Variants in LRP1B observed in about 807,000 individuals in gnomAD.
The protein encoded by LRP1B is low-density lipoprotein receptor-related protein 1B.
Under a neutral mutation model 556.6 loss-of-function variants are expected in LRP1B, and 217 were observed. The ratio of observed to expected loss-of-function variants is 0.39; its 90% CI spans 0.35 to 0.44. LRP1B has a LOEUF of 0.44. LRP1B is among the 20% of genes least tolerant of loss of function. The pLI is 1.00. For synonymous variants in LRP1B, 2,047 were observed against 1,865.8 expected (o/e 1.10, Z -2.50); for missense variants, 5,053 against 5,620.8 (o/e 0.90, Z 3.23).
chr2:140,320,845 TCAGGCTGGCCAA>T (rs1414670210), intron 82 of LRP1B, among the ~76,000 whole-genome samples: 1 of 151,918 alleles, frequency 6.6e-6, no homozygotes, highest in Non-Finnish European at 1.5e-5. Flanking sequence ...GAGTTCGAGA[TCAGGCTGGCCAA>T]CATGGCAATA....
In LRP1B at chr2:140,270,143, C is replaced by CATTTAAATGAATTTAAATGAATTAAATGA. The variant is rs1378443754; in HGVS notation, c.13247+98_13247+99insTCATTTAATTCATTTAAATTCATTTAAAT. On this transcript the variant is annotated intron_variant, in intron 86 of 90. Coordinates refer to ENST00000389484, the MANE Select transcript of LRP1B (RefSeq NM_018557.3). ...TGATCAGAGATGTCCATGAAACACT[C>CATTTAAATGAATTTAAATGAATTAAATGA]ATTTAAAATTACCCCAGAAAAGGAG... is the stretch of plus-strand genomic sequence containing the variant. The CATTTAAATGAATTTAAATGAATTAAATGA allele has an allele frequency of 2.5e-4, 202 of 806,258 alleles. 1 individual carries two copies. Among genetic ancestry groups the CATTTAAATGAATTTAAATGAATTAAATGA allele is most frequent in the Non-Finnish European group, 3.8e-4 (177 of 469,376 alleles). 49.9% of individuals were successfully genotyped at this position (806,258 alleles called of 1,614,324 possible).
In LRP1B at chr2:141,005,351, A is replaced by G. The variant is rs756754593; in HGVS notation, c.2487T>C (p.Asn829=). The change falls in exon 15 of 91, where the codon AAT becomes AAC. Residue 829 remains asparagine (N), a synonymous_variant. Transcript: ENST00000389484. ...AGAACTTACATGTGCAAGTTGTCCC[A>G]TTTTCATCCAAAAGTTGATTATCGG... ...ACADNQLLDE[N]GTTCTFNPGE... 2.5e-6 allele frequency: 4 copies of G among 1,610,078 alleles called. No individual in the cohort carries two copies. The highest frequency in any genetic ancestry group is 1.1e-5 in the South Asian group (1 of 90,864).
At chr2:140,344,613 G>A (rs1054461823) in intron 77 of LRP1B, among the ~76,000 whole-genome samples, 3 of 151,800 alleles carry the variant, frequency 2.0e-5, no homozygotes, top group Non-Finnish European at 2.9e-5. Flanking sequence ...TAGAGTTGTC[G>A]TTAAATGAGA....
chr2:140,702,204 G>A lies in LRP1B; in HGVS notation c.6239C>T (p.Ser2080Leu), dbSNP rs2105428501. 3 of 1,613,724 alleles carry A rather than the reference G, an allele frequency of 1.9e-6. No individual in the cohort carries two copies. Among genetic ancestry groups the A allele is most frequent in the Non-Finnish European group, 2.5e-6 (3 of 1,179,782 alleles). The change falls in exon 39 of 91, where the codon TCA (serine) becomes TTA (leucine). Residue 2080 changes from serine (S) to leucine (L), a missense_variant. By Grantham distance (145) the Ser-to-Leu change is moderately radical. Coordinates refer to ENST00000389484, the MANE Select transcript of LRP1B (RefSeq NM_018557.3). ...ETGGNREMVL[S>L]GSNVDMFSVA... ...TGAAAACATATCCACATTGCTTCCT[G>A]ACAGCACCATCTCGCGATTCCCTCC... is the stretch of plus-strand genomic sequence containing the variant.
At chr2:141,873,641 C>T (rs1464741999) in intron 1 of LRP1B, among the ~76,000 whole-genome samples, 1 of 151,926 alleles carries the variant, frequency 6.6e-6, no homozygotes, top group Non-Finnish European at 1.5e-5. Flanking sequence ...AAGAAGCACA[C>T]TTAGTGCCTG....
Position 141,270,707 on chromosome 2 carries a change from T to C in LRP1B, c.344-16066A>G, listed in dbSNP as rs184998857. On this transcript the variant is annotated intron_variant, in intron 3 of 90. Transcript: ENST00000389484. ...CCACAGAAGAACACATATTGTATGA[T>C]TCTATTTATATGAGTTACTTAGGGT... Among the ~76,000 whole-genome samples, 8 of 152,208 alleles carry C rather than the reference T, an allele frequency of 5.3e-5. No homozygotes were observed. The East Asian group carries it at 1.4e-3, about 26-fold the overall frequency.
chr2:141,504,829 A>T (rs1468592133), intron 2 of LRP1B, among the ~76,000 whole-genome samples: 3 of 152,250 alleles, frequency 2.0e-5, no homozygotes, highest in South Asian at 2.1e-4. Flanking sequence ...ATGAGTGTAA[A>T]TTAAAATTAA....
intron 2 of LRP1B, among the ~76,000 whole-genome samples, chr2:141,743,501 C>T (rs77280327): frequency 0.022 from 2,566 of 117,394 alleles, 7 homozygotes; most frequent in Middle Eastern, 0.037. Context: ...TTTTTTTTTT[C>T]TTTTTTTTTT....
At position 141,058,958 on chromosome 2, in the gene LRP1B, T is replaced by A. The variant is rs763162498; in HGVS notation, c.1333A>T (p.Thr445Ser). The change falls in exon 9 of 91, where the codon ACT becomes TCT. Residue 445 changes from threonine to serine, a missense_variant. Thr to Ser is a moderately conservative substitution (Grantham distance 58, BLOSUM62 1). This residue lies in a region of LRP1B where 3,619 missense variants were observed against 3,931.9 expected (regional missense o/e 0.92). Coordinates refer to ENST00000389484, the MANE Select transcript of LRP1B (RefSeq NM_018557.3). ...ATTTTAATTAATGAGTGAATATCAG[T>A]CCCATTAAATCGGTTTATCCTTACG... Reference protein sequence around the residue: ...NIVRINRFNGTDIHSLIKIEN... With the variant: ...NIVRINRFNGSDIHSLIKIEN... 4 of 1,600,240 alleles carry A rather than the reference T, an allele frequency of 2.5e-6. No homozygotes were observed. The highest frequency in any genetic ancestry group is 3.4e-6 in the Non-Finnish European group (4 of 1,172,596).
At chr2:142,095,281 T>C (rs943881277) in intron 1 of LRP1B, among the ~76,000 whole-genome samples, 5 of 151,778 alleles carry the variant, frequency 3.3e-5, no homozygotes, top group Admixed American at 1.3e-4. Context: ...GTATACTCTT[T>C]AGCACCTTCT....
intron 3 of LRP1B, among the ~76,000 whole-genome samples, chr2:141,266,376 C>T (rs1480219805): frequency 6.7e-6 from 1 of 149,434 alleles, no homozygotes; most frequent in Non-Finnish European, 1.5e-5. Flanking sequence ...TCTCCATGCT[C>T]ATGTTCCCTT....
intron 2 of LRP1B, among the ~76,000 whole-genome samples, chr2:141,590,539 G>A (rs1559161072): frequency 2.0e-5 from 3 of 151,850 alleles, no homozygotes; most frequent in African/African-American, 7.3e-5. Flanking sequence ...GCCTCAAACA[G>A]TTTTTTTTAT....
chr2:141,863,012 G>A (rs1008847356), intron 1 of LRP1B, among the ~76,000 whole-genome samples: 3 of 152,132 alleles, frequency 2.0e-5, no homozygotes, highest in Admixed American at 2.0e-4. Flanking sequence ...TATGCATTAA[G>A]CTGTCATTCC....
intron 66 of LRP1B, among the ~76,000 whole-genome samples, chr2:140,430,480 T>C (rs1685876481): frequency 6.6e-6 from 1 of 152,122 alleles, no homozygotes; most frequent in Admixed American, 6.5e-5. Flanking sequence ...CATCAAAAGG[T>C]GTCAGATCCC....
At chr2:140,965,077 G>A (rs1350237869) in intron 18 of LRP1B, among the ~76,000 whole-genome samples, 1 of 152,168 alleles carries the variant, frequency 6.6e-6, no homozygotes, top group African/African-American at 2.4e-5. Context: ...TGAGAATCAC[G>A]TGAACAGGTT....
chr2:142,076,729 A>G (rs964362819), intron 1 of LRP1B, among the ~76,000 whole-genome samples: 2 of 152,040 alleles, frequency 1.3e-5, no homozygotes, highest in Non-Finnish European at 2.9e-5. Context: ...GGGCTTAGAA[A>G]TCTCCGAAGA....
chr2:141,690,398 T>TAAATAAATAA lies in LRP1B; in HGVS notation c.205+119880_205+119881insTTATTTATTT, dbSNP rs3039235. Among the ~76,000 whole-genome samples, 224 of 28,072 alleles carry TAAATAAATAA rather than the reference T, an allele frequency of 8.0e-3. 10 individuals are homozygous for TAAATAAATAA. Among genetic ancestry groups the TAAATAAATAA allele is most frequent in the Middle Eastern group, 0.019 (1 of 54 alleles). 18.4% of individuals were successfully genotyped at this position (28,072 alleles called of 152,430 possible). On this transcript the variant is annotated intron_variant, in intron 2 of 90. Transcript: ENST00000389484. ...CCAGAAAAGGGATTACATCTATAAA[T>TAAATAAATAA]ATATATATATATATATATATATATA...
chr2:140,491,426 C>G (rs1465516082), intron 57 of LRP1B, among the ~76,000 whole-genome samples: 1 of 151,636 alleles, frequency 6.6e-6, no homozygotes, highest in Non-Finnish European at 1.5e-5. Flanking sequence ...TGTCCTTGTT[C>G]CAGAGACTAT....
intron 43 of LRP1B, among the ~76,000 whole-genome samples, chr2:140,576,483 G>T (rs1175825508): frequency 2.0e-5 from 3 of 152,102 alleles, no homozygotes; most frequent in Non-Finnish European, 4.4e-5. Flanking sequence ...GTATGGATTC[G>T]CCAAAATTAA....
Sources: allele counts gnomAD v4.1 joint callset (sites outside exome capture counted in the v4.1 genomes callset), GRCh38; gene constraint gnomAD v4.1.1; regional missense constraint gnomAD v4.1.1; transcripts MANE v1.5; gene names NCBI Gene and HGNC (gene_info 2026-07-23, HGNC 2026-07-21).